The following DCK variants were observed in gnomAD, a reference collection of about 807,000 sequenced individuals.
DCK encodes deoxyadenosine kinase.
A neutral mutation model predicts 38.3 loss-of-function variants in DCK; 23 were observed. The observed-to-expected ratio is 0.60, with a 90% CI of 0.43 to 0.85. DCK has a LOEUF of 0.85. Among genes scored for constraint, DCK ranks in the 40% least tolerant of loss-of-function variants. The pLI is 0.00. For synonymous variants in DCK, 108 were observed against 100.6 expected, an observed-to-expected ratio of 1.07 and a Z score of -0.44; for missense variants, 259 against 304.4, an observed-to-expected ratio of 0.85 and a Z score of 1.11.
chr4:71,016,830 C>T (rs905333756), intron 2 of DCK, among the ~76,000 whole-genome samples: 1 of 152,198 alleles, frequency 6.6e-6, no homozygotes, highest in African/African-American at 2.4e-5. Context: ...CATAAAAACC[C>T]TAGAAGAAAA....
At chr4:70,998,753 G>A (rs773462722) in intron 2 of DCK, among the ~76,000 whole-genome samples, 9 of 152,108 alleles carry the variant, frequency 5.9e-5, no homozygotes, top group South Asian at 2.1e-4. Flanking sequence ...GTGAAATGCC[G>A]TCTCTACTAA....
At chr4:71,007,726 CT>C (rs369908369) in intron 2 of DCK, among the ~76,000 whole-genome samples, 3 of 151,776 alleles carry the variant, frequency 2.0e-5, no homozygotes, top group African/African-American at 7.3e-5. Flanking sequence ...TAAAAATATT[CT>C]TTTTTTTGAG....
intron 2 of DCK, among the ~76,000 whole-genome samples, chr4:71,020,068 G>A (rs1740376439): frequency 1.3e-5 from 2 of 152,200 alleles, no homozygotes; most frequent in Admixed American, 1.3e-4. Context: ...GATTACAGGC[G>A]TGAACCACTG....
At chr4:71,025,969 C>T (rs761002488) in intron 5 of DCK, 38 bp downstream of exon 5, 8 of 1,471,962 alleles carry the variant, frequency 5.4e-6, no homozygotes, top group Non-Finnish European at 7.2e-6. Context: ...TTTTAAATAC[C>T]TTTGTTACCT....
At chr4:71,008,964 G>A (rs910556691) in intron 2 of DCK, among the ~76,000 whole-genome samples, 2 of 152,170 alleles carry the variant, frequency 1.3e-5, no homozygotes, top group African/African-American at 4.8e-5. Flanking sequence ...CAATAACTGG[G>A]AAGGGTAGGA....
intron 1 of DCK, among the ~76,000 whole-genome samples, chr4:70,997,133 A>T (rs1739677893): frequency 6.6e-6 from 1 of 152,184 alleles, no homozygotes; most frequent in Non-Finnish European, 1.5e-5. Context: ...GTCAGAAGAA[A>T]GTTGAATGCT....
rs978410753 is a variant in DCK at position 71,021,071 on chromosome 4, T to C, written c.208-1296T>C. On this transcript the variant is annotated intron_variant, in intron 2 of 6. Transcript: ENST00000286648. The stretch of plus-strand genomic sequence containing the variant: ...ATGTGTTCCAGATGCTATTTCTTTT[T>C]TTTTTTTTTTTTTTTGAGACGGAGT... Among the ~76,000 whole-genome samples, 321 of 145,860 alleles carry C rather than the reference T, an allele frequency of 2.2e-3. 2 individuals are homozygous for C. Among genetic ancestry groups the C allele is most frequent in the Non-Finnish European group, 4.1e-3 (272 of 66,182 alleles).
intron 3 of DCK, 101 bp from the exon 4 acceptor site, chr4:71,023,458 C>A: frequency 1.3e-6 from 1 of 774,768 alleles, no homozygotes; most frequent in Non-Finnish European, 2.0e-6. Context: ...GCACTATGTG[C>A]CACTGGATTT....
At chr4:71,015,034 A>G (rs1367028281) in intron 2 of DCK, among the ~76,000 whole-genome samples, 3 of 152,222 alleles carry the variant, frequency 2.0e-5, no homozygotes, top group African/African-American at 7.2e-5. Context: ...CAAGACTAAT[A>G]AAGAAGAAAA....
At chr4:71,017,873 A>G (rs1306794826) in intron 2 of DCK, among the ~76,000 whole-genome samples, 2 of 152,058 alleles carry the variant, frequency 1.3e-5, no homozygotes, top group Non-Finnish European at 2.9e-5. Flanking sequence ...GCACATGTAT[A>G]CATATGTAAC....
intron 6 of DCK, among the ~76,000 whole-genome samples, chr4:71,028,040 G>A (rs1242732600): frequency 6.6e-6 from 1 of 152,182 alleles, no homozygotes; most frequent in African/African-American, 2.4e-5. Flanking sequence ...TAGAGAACAA[G>A]CATATTCTTA....
chr4:71,019,912 G>A (rs1296320443), intron 2 of DCK, among the ~76,000 whole-genome samples: 2 of 152,020 alleles, frequency 1.3e-5, no homozygotes, highest in South Asian at 2.1e-4. Flanking sequence ...TCAGCCTCCC[G>A]AGTAGCTAGG....
At chr4:71,017,648 A>G (rs1001372815) in intron 2 of DCK, among the ~76,000 whole-genome samples, 2 of 152,070 alleles carry the variant, frequency 1.3e-5, no homozygotes, top group Non-Finnish European at 2.9e-5. Flanking sequence ...ATGAAGCTGG[A>G]AACCATCATT....
intron 4 of DCK, 21 bp downstream of exon 4, chr4:71,023,727 G>A: frequency 6.3e-7 from 1 of 1,591,314 alleles, no homozygotes; most frequent in Non-Finnish European, 8.5e-7. Context: ...ATAAAAATGT[G>A]TTTCACTGAA....
At chr4:71,018,572 C>G (rs1390884036) in intron 2 of DCK, among the ~76,000 whole-genome samples, 1 of 151,754 alleles carries the variant, frequency 6.6e-6, no homozygotes, top group Non-Finnish European at 1.5e-5. Flanking sequence ...TTCACTCTGA[C>G]ACATTCATAT....
chr4:71,021,908 G>A (rs867095910), intron 2 of DCK, among the ~76,000 whole-genome samples: 5 of 152,050 alleles, frequency 3.3e-5, no homozygotes, highest in African/African-American at 7.2e-5. Flanking sequence ...AGGCTGAGGC[G>A]GGAGAATTGC....
intron 1 of DCK, among the ~76,000 whole-genome samples, chr4:70,995,043 T>G (rs1168411302): frequency 1.3e-5 from 2 of 152,190 alleles, no homozygotes; most frequent in Non-Finnish European, 2.9e-5. Context: ...GCACTGTACC[T>G]TCTTGAAAAA....
chr4:71,014,239 C>A (rs911535211), intron 2 of DCK, among the ~76,000 whole-genome samples: 26 of 152,154 alleles, frequency 1.7e-4, no homozygotes, highest in African/African-American at 6.0e-4. Flanking sequence ...TATATATGCA[C>A]CCAATACAGG....
At chr4:70,999,639 C>T (rs1739746607) in intron 2 of DCK, among the ~76,000 whole-genome samples, 1 of 152,226 alleles carries the variant, frequency 6.6e-6, no homozygotes. Context: ...CTCCCACTAA[C>T]AGTGTAAAAG....
Sources: allele counts gnomAD v4.1 joint callset (sites outside exome capture counted in the v4.1 genomes callset), GRCh38; gene constraint gnomAD v4.1.1; transcripts MANE v1.5; gene names NCBI Gene and HGNC (gene_info 2026-07-23, HGNC 2026-07-21).